The following EPB41L4A variants were observed in gnomAD, a reference collection of about 807,000 sequenced individuals.
The protein encoded by EPB41L4A is erythrocyte membrane protein band 4.1 like 4A, also known as band 4.1-like protein 4A.
EPB41L4A carries 100 observed loss-of-function variants against 108.6 expected under a neutral mutation model. The ratio of observed to expected loss-of-function variants is 0.92; its 90% confidence interval spans 0.78 to 1.09. The LOEUF (loss-of-function observed/expected upper bound fraction) is 1.09. EPB41L4A is among the 50% of genes least tolerant of loss of function. The pLI is 0.00. For missense variants in EPB41L4A, 1,030 were observed against 842.7 expected, an observed-to-expected ratio of 1.22 and a Z score of -2.75; for synonymous variants, 319 against 289.0, an observed-to-expected ratio of 1.10 and a Z score of -1.05.
chr5:112,359,984 G>T (rs1758615571), intron 1 of EPB41L4A, among the ~76,000 whole-genome samples: 1 of 152,204 alleles, frequency 6.6e-6, no homozygotes, highest in African/African-American at 2.4e-5. Context: ...TGACGTGTAT[G>T]TGCTTTTTTC....
At chr5:112,346,965 A>G (rs896351232) in intron 1 of EPB41L4A, among the ~76,000 whole-genome samples, 1 of 152,144 alleles carries the variant, frequency 6.6e-6, no homozygotes, top group Non-Finnish European at 1.5e-5. Flanking sequence ...GGCGCCCAAT[A>G]TTTAGCATTT....
At chr5:112,219,243 C>T (rs930324386) in intron 12 of EPB41L4A, among the ~76,000 whole-genome samples, 1 of 152,154 alleles carries the variant, frequency 6.6e-6, no homozygotes, top group African/African-American at 2.4e-5. Flanking sequence ...GTAACTTAAT[C>T]ATGGGGGTGG....
chr5:112,232,545 T>G (rs1216906169), intron 12 of EPB41L4A, among the ~76,000 whole-genome samples: 1 of 152,196 alleles, frequency 6.6e-6, no homozygotes, highest in Non-Finnish European at 1.5e-5. Context: ...AGAGTGAGAC[T>G]TAATTTGACT....
In EPB41L4A at chr5:112,325,149, AAG is replaced by A. The variant is rs540781771; in HGVS notation, c.100-17661_100-17660del. Among the ~76,000 whole-genome samples the A allele has an allele frequency of 1.4e-3, 214 of 152,326 alleles. 2 individuals carry two copies. The highest frequency in any genetic ancestry group is 5.0e-3 in the African/African-American group (206 of 41,570). On this transcript the variant is annotated intron_variant, in intron 1 of 22. Transcript: ENST00000261486. ...CTGCGAGAAATTACGCACAATTAAA[AAG>A]AGAGTCAGGGCCGGGCGCGGTGGCT...
chr5:112,387,169 C>T (rs1440854302), intron 1 of EPB41L4A, among the ~76,000 whole-genome samples: 2 of 152,208 alleles, frequency 1.3e-5, no homozygotes, highest in African/African-American at 4.8e-5. Context: ...CCAGTTCCAT[C>T]GTGGCCAGAT....
intron 1 of EPB41L4A, among the ~76,000 whole-genome samples, chr5:112,388,070 GA>G (rs1158181322): frequency 6.6e-6 from 1 of 152,160 alleles, no homozygotes; most frequent in Non-Finnish European, 1.5e-5. Flanking sequence ...AGAAGACTTA[GA>G]AATTCAAGTT....
At chr5:112,247,415 C>A (rs1750325498) in intron 9 of EPB41L4A, among the ~76,000 whole-genome samples, 1 of 152,170 alleles carries the variant, frequency 6.6e-6, no homozygotes, top group Non-Finnish European at 1.5e-5. Context: ...CTATGTCCTT[C>A]CTCACTACGT....
chr5:112,318,729 G>C (rs2150615095), intron 1 of EPB41L4A, among the ~76,000 whole-genome samples: 1 of 152,292 alleles, frequency 6.6e-6, no homozygotes, highest in East Asian at 1.9e-4. Context: ...CACAACCACA[G>C]ATAACCAGAC....
chr5:112,275,513 A>G, intron 3 of EPB41L4A, 109 bp from the exon 4 acceptor site: 1 of 1,272,994 alleles, frequency 7.9e-7, no homozygotes. Flanking sequence ...GTCTAAAGAA[A>G]CAAGAAAACA....
intron 1 of EPB41L4A, among the ~76,000 whole-genome samples, chr5:112,343,826 T>C (rs1239242837): frequency 6.6e-6 from 1 of 152,254 alleles, no homozygotes; most frequent in Non-Finnish European, 1.5e-5. Flanking sequence ...AGCCCTCTTT[T>C]ATATTCTGAT....
At chr5:112,360,948 C>T (rs557801730) in intron 1 of EPB41L4A, among the ~76,000 whole-genome samples, 14 of 152,230 alleles carry the variant, frequency 9.2e-5, no homozygotes, top group Admixed American at 6.5e-5. Context: ...AGGTGAGGAG[C>T]GTCTCTGACC....
chr5:112,171,737 C>A (rs1416857425), intron 18 of EPB41L4A, among the ~76,000 whole-genome samples: 1 of 152,192 alleles, frequency 6.6e-6, no homozygotes, highest in Non-Finnish European at 1.5e-5. Context: ...GCAATGAATG[C>A]AGTGAAATCT....
intron 12 of EPB41L4A, among the ~76,000 whole-genome samples, chr5:112,224,760 A>G (rs1748338969): frequency 6.6e-6 from 1 of 152,188 alleles, no homozygotes; most frequent in Admixed American, 6.5e-5. Flanking sequence ...TACAAAGGAG[A>G]GAGGGAGGGA....
At chr5:112,150,656 T>G (rs1247902998) in intron 12 of EPB41L4A, among the ~76,000 whole-genome samples, 1 of 152,152 alleles carries the variant, frequency 6.6e-6, no homozygotes, top group Admixed American at 6.5e-5. Context: ...TGTAATAAAA[T>G]TCAGATCATC....
chr5:112,375,303 GGTCA>G (rs1470622086), intron 1 of EPB41L4A, among the ~76,000 whole-genome samples: 1 of 138,238 alleles, frequency 7.2e-6, no homozygotes, highest in African/African-American at 3.4e-5. Context: ...ACCATAACAA[GGTCA>G]GTCTCTCTCT....
intron 2 of EPB41L4A, among the ~76,000 whole-genome samples, chr5:112,284,789 G>A (rs564198773): frequency 6.6e-6 from 1 of 152,328 alleles, no homozygotes; most frequent in Admixed American, 6.5e-5. Flanking sequence ...CTTCAGGCCT[G>A]TCAATCTTAA....
chr5:112,407,775 G>A lies in EPB41L4A; in HGVS notation c.99+11166C>T, dbSNP rs191839844. On this transcript the variant is annotated intron_variant, in intron 1 of 22. Transcript: ENST00000261486. ...AAGTTTTGGAAGTCTAAATATTCAA[G>A]CACAGTTTTAAGTTACAAAAGCATT... Among the ~76,000 whole-genome samples, 7 of 152,228 alleles carry A rather than the reference G, an allele frequency of 4.6e-5. No homozygotes were observed. In the East Asian group the frequency reaches 1.4e-3, roughly 29 times the overall value.
At chr5:112,236,520 A>G (rs1749344340) in intron 11 of EPB41L4A, among the ~76,000 whole-genome samples, 1 of 152,238 alleles carries the variant, frequency 6.6e-6, no homozygotes, top group African/African-American at 2.4e-5. Flanking sequence ...ATTCTTATAT[A>G]GCATCCTATT....
At chr5:112,260,330 C>G (rs991879435) in intron 7 of EPB41L4A, among the ~76,000 whole-genome samples, 1 of 152,184 alleles carries the variant, frequency 6.6e-6, no homozygotes, top group Non-Finnish European at 1.5e-5. Context: ...AATGCTGATG[C>G]CTGGGCACTA....
Sources: gnomAD v4.1 joint callset for allele counts (sites outside exome capture counted in the v4.1 genomes callset) on GRCh38, gnomAD v4.1.1 for gene constraint, MANE v1.5 for transcripts, NCBI Gene and HGNC (gene_info 2026-07-23, HGNC 2026-07-21) for gene names.